Variants in PIK3AP1 observed in about 807,000 individuals in gnomAD.
The protein encoded by PIK3AP1 is phosphoinositide-3-kinase adaptor protein 1.
A neutral mutation model predicts 88.1 loss-of-function variants in PIK3AP1; 21 were observed. That is an observed-to-expected ratio of 0.24 (90% CI 0.17 to 0.34). The LOEUF is 0.34. Among genes scored for constraint, PIK3AP1 ranks in the 10% least tolerant of loss-of-function variants. PIK3AP1 has a pLI of 1.00. For missense variants in PIK3AP1, 828 were observed against 1,035.7 expected (o/e 0.80, Z 2.75); for synonymous variants, 398 against 400.0 (o/e 1.00, Z 0.06).
At chr10:96,703,422 T>C (rs547127719) in intron 2 of PIK3AP1, among the ~76,000 whole-genome samples, 2 of 152,306 alleles carry the variant, frequency 1.3e-5, no homozygotes, top group East Asian at 1.9e-4. Flanking sequence ...ACTGTAATAC[T>C]ATTAATAAAT....
intron 14 of PIK3AP1, among the ~76,000 whole-genome samples, chr10:96,609,064 T>C (rs1157243395): frequency 6.6e-6 from 1 of 152,236 alleles, no homozygotes; most frequent in Admixed American, 6.5e-5. Context: ...ATTGAAGCTT[T>C]CCAGCCAAAA....
At chr10:96,621,781 C>T (rs1198325409) in intron 11 of PIK3AP1, 3 of 152,260 alleles carry the variant, frequency 2.0e-5, no homozygotes, top group Non-Finnish European at 2.9e-5. Context: ...TCAACCTTGG[C>T]ACTATTGACA....
intron 2 of PIK3AP1, among the ~76,000 whole-genome samples, chr10:96,704,077 C>CT (rs1589547705): frequency 1.3e-5 from 2 of 152,264 alleles, no homozygotes; most frequent in East Asian, 3.9e-4. Context: ...ATCTCAGTAG[C>CT]ACCCCATCCC....
In PIK3AP1 at chr10:96,709,668, T is replaced by C; in HGVS notation, c.329A>G (p.Glu110Gly). ...CCAATCTGGAAAGAAGTCTAGGAAC[T>C]CCTCGCTGTCCCGCACGCCGCAGAG... ...RLLCGVRDSE[E>G]FLDFFPDWAH... The change falls in exon 2 of 17, where the codon GAG becomes GGG. Residue 110 changes from glutamate (E) to glycine (G), a missense_variant. By Grantham distance (98) the Glu-to-Gly change is moderately conservative. Coordinates refer to ENST00000339364, the MANE Select transcript of PIK3AP1 (RefSeq NM_152309.3). 1 of 1,614,224 alleles carries C rather than the reference T, an allele frequency of 6.2e-7. No homozygotes were observed. Among genetic ancestry groups the C allele is most frequent in the Non-Finnish European group, 8.5e-7 (1 of 1,180,034 alleles).
chr10:96,627,458 C>A (rs925963780), intron 9 of PIK3AP1, among the ~76,000 whole-genome samples: 1 of 152,138 alleles, frequency 6.6e-6, no homozygotes, highest in Non-Finnish European at 1.5e-5. Flanking sequence ...TGAAAGCAGC[C>A]ATATATAATA....
intron 2 of PIK3AP1, among the ~76,000 whole-genome samples, chr10:96,701,060 T>A (rs1000937097): frequency 1.3e-5 from 2 of 152,220 alleles, no homozygotes; most frequent in African/African-American, 4.8e-5. Flanking sequence ...CTGGGCTGCA[T>A]AGCAGAACCA....
chr10:96,709,486 C>T, intron 2 of PIK3AP1, 81 bp downstream of exon 2: 2 of 1,465,004 alleles, frequency 1.4e-6, no homozygotes, highest in South Asian at 1.3e-5. Flanking sequence ...GATCCCCGCT[C>T]ATTTTGGAAT....
At chr10:96,715,718 G>A (rs951703573) in intron 1 of PIK3AP1, among the ~76,000 whole-genome samples, 2 of 151,798 alleles carry the variant, frequency 1.3e-5, no homozygotes, top group African/African-American at 4.8e-5. Context: ...GTGAAAACCC[G>A]TCTCTACTAA....
chr10:96,687,084 G>T (rs145682296), intron 2 of PIK3AP1, among the ~76,000 whole-genome samples: 2 of 151,572 alleles, frequency 1.3e-5, no homozygotes, highest in Non-Finnish European at 2.9e-5. Flanking sequence ...GTGAAACCCC[G>T]TCTCTACTAA....
At chr10:96,601,080 A>T (rs1848880974) in intron 16 of PIK3AP1, among the ~76,000 whole-genome samples, 1 of 6,416 alleles carries the variant, frequency 1.6e-4, no homozygotes, top group Admixed American at 3.9e-3. Flanking sequence ...TCTCCTGTAT[A>T]AAAAAAAAGA....
intron 2 of PIK3AP1, among the ~76,000 whole-genome samples, chr10:96,701,648 G>A (rs1046405545): frequency 1.2e-4 from 19 of 152,098 alleles, no homozygotes; most frequent in Non-Finnish European, 4.4e-5. Context: ...CAAGCATAAA[G>A]GGAATAAAAT....
chr10:96,671,325 T>C (rs1843843338), intron 2 of PIK3AP1, among the ~76,000 whole-genome samples: 1 of 152,236 alleles, frequency 6.6e-6, no homozygotes, highest in Non-Finnish European at 1.5e-5. Flanking sequence ...CCCACCTTCC[T>C]GGCAAACATC....
At chr10:96,636,271 G>GA (rs1453294511) in intron 8 of PIK3AP1, among the ~76,000 whole-genome samples, 1 of 151,816 alleles carries the variant, frequency 6.6e-6, no homozygotes, top group African/African-American at 2.4e-5. Context: ...AATTATAAAA[G>GA]AAAAAAATAC....
rs1848712020 is a variant in PIK3AP1, at chr10:96,593,808, C to CA, written c.*1768dup. ...AGTGTATTTTGTCAAAAAACAAAAACAAAACCCAAGATTCCAGAAGCTGTT... is the reference window on the plus strand; with the variant it reads ...AGTGTATTTTGTCAAAAAACAAAAACAAAAACCCAAGATTCCAGAAGCTGTT... On this transcript the variant is annotated 3_prime_UTR_variant, in exon 17 of 17. Coordinates refer to ENST00000339364, the MANE Select transcript of PIK3AP1 (RefSeq NM_152309.3). The CA allele has an allele frequency of 6.6e-6, 1 of 152,128 alleles. No homozygotes were observed. The highest frequency in any genetic ancestry group is 2.4e-5 in the African/African-American group (1 of 41,440). 9.4% of individuals were successfully genotyped at this position (152,128 alleles called of 1,614,324 possible). A position where few individuals can be genotyped will look rare whatever the true frequency, so the allele number is the denominator to read the frequency against.
At chr10:96,706,791 A>AT (rs1481656650) in intron 2 of PIK3AP1, among the ~76,000 whole-genome samples, 1 of 152,216 alleles carries the variant, frequency 6.6e-6, no homozygotes, top group East Asian at 1.9e-4. Flanking sequence ...CAGCAAAAAA[A>AT]ATCAGGAATA....
intron 16 of PIK3AP1, among the ~76,000 whole-genome samples, chr10:96,599,819 T>C (rs1016613928): frequency 2.0e-5 from 3 of 152,202 alleles, no homozygotes; most frequent in Non-Finnish European, 2.9e-5. Flanking sequence ...ATTGTTTCTT[T>C]AGCAAAAAAT....
intron 2 of PIK3AP1, among the ~76,000 whole-genome samples, chr10:96,708,934 C>T (rs2134290400): frequency 6.6e-6 from 1 of 152,000 alleles, no homozygotes; most frequent in East Asian, 1.9e-4. Flanking sequence ...AGTTCAAGAT[C>T]AGCCTGACCA....
intron 1 of PIK3AP1, among the ~76,000 whole-genome samples, chr10:96,710,878 T>C (rs1434145167): frequency 6.6e-6 from 1 of 152,214 alleles, no homozygotes; most frequent in Non-Finnish European, 1.5e-5. Flanking sequence ...CTAAGCACAG[T>C]GCTTGTCATA....
intron 8 of PIK3AP1, among the ~76,000 whole-genome samples, chr10:96,638,459 C>G (rs907000608): frequency 1.1e-5 from 1 of 93,658 alleles, no homozygotes; most frequent in Non-Finnish European, 2.2e-5. Flanking sequence ...CACACAGACA[C>G]ACACACACAC....
Sources: allele counts gnomAD v4.1 joint callset (sites outside exome capture counted in the v4.1 genomes callset), GRCh38; gene constraint gnomAD v4.1.1; transcripts MANE v1.5; gene names NCBI Gene and HGNC (gene_info 2026-07-23, HGNC 2026-07-21).